Variants in WDR70 observed in about 807,000 individuals in gnomAD.
WDR70 encodes WD repeat-containing protein 70.
WDR70 carries 53 observed loss-of-function variants against 88.6 expected under a neutral mutation model. The ratio of observed to expected loss-of-function variants is 0.60; its 90% CI spans 0.48 to 0.75. The LOEUF (loss-of-function observed/expected upper bound fraction) is 0.75. WDR70 is among the 30% of genes least tolerant of loss of function. The pLI, the probability that WDR70 is intolerant of heterozygous loss-of-function variation, is 0.00. For missense variants in WDR70, 610 were observed against 823.2 expected (o/e 0.74, Z 3.17); for synonymous variants, 280 against 270.0 (o/e 1.04, Z -0.36).
chr5:37,623,076 A>G (rs921565197), intron 10 of WDR70, among the ~76,000 whole-genome samples: 3 of 152,170 alleles, frequency 2.0e-5, no homozygotes, highest in Non-Finnish European at 4.4e-5. Flanking sequence ...GGCAAAAGTT[A>G]TGGCGGTATT....
chr5:37,646,030 G>A (rs1745224315), intron 10 of WDR70, among the ~76,000 whole-genome samples: 1 of 151,724 alleles, frequency 6.6e-6, no homozygotes, highest in Non-Finnish European at 1.5e-5. Flanking sequence ...TTTTTTTGTG[G>A]TCTTCTCTTC....
intron 10 of WDR70, among the ~76,000 whole-genome samples, chr5:37,693,133 T>C (rs1285945322): frequency 6.6e-6 from 1 of 152,008 alleles, no homozygotes; most frequent in Non-Finnish European, 1.5e-5. Flanking sequence ...GAGAATAAAA[T>C]ACCTGGGAAT....
At position 37,394,285 on chromosome 5, in the gene WDR70, CA is replaced by C. The variant is rs199867827; in HGVS notation, c.297-2070del. Among the ~76,000 whole-genome samples the C allele has an allele frequency of 7.5e-3, 722 of 95,832 alleles. 2 individuals are homozygous for C. Among genetic ancestry groups the C allele is most frequent in the African/African-American group, 0.012 (368 of 30,840 alleles). The allele number at this position is 95,832 out of a possible 152,430, so 62.9% of individuals were successfully genotyped here. A position where few individuals can be genotyped will look rare whatever the true frequency, so the allele number is the denominator to read the frequency against. ...GGGACTCTAGAGTGAGACTCTGTCT[CA>C]AAAAAAAAAAAAAAAAAAATCTGTT... On this transcript the variant is annotated intron_variant, in intron 4 of 17. Coordinates refer to ENST00000265107, the MANE Select transcript of WDR70 (RefSeq NM_018034.4).
chr5:37,439,628 T>C, intron 6 of WDR70, among the ~76,000 whole-genome samples: 1 of 148,602 alleles, frequency 6.7e-6, no homozygotes, highest in African/African-American at 2.4e-5. Context: ...CTTAACTCTT[T>C]TTTTTTTTTT....
intron 5 of WDR70, among the ~76,000 whole-genome samples, chr5:37,428,007 C>CTTTTT (rs34888958): frequency 2.1e-5 from 3 of 144,228 alleles, no homozygotes; most frequent in Non-Finnish European, 4.6e-5. Flanking sequence ...ATGTATCCTC[C>CTTTTT]TTTTTTTTTT....
At chr5:37,696,215 A>G (rs1035979597) in intron 10 of WDR70, among the ~76,000 whole-genome samples, 6 of 152,186 alleles carry the variant, frequency 3.9e-5, no homozygotes, top group Non-Finnish European at 8.8e-5. Context: ...TGAATCAATG[A>G]ATTCTTTGTA....
rs763960960 is a variant in WDR70, at chr5:37,396,427, T to A, written c.349T>A (p.Leu117Ile). The change falls in exon 5 of 18, where the codon TTA (leucine) becomes ATA (isoleucine). Residue 117 changes from leucine to isoleucine, a missense_variant. Around this residue, in one of 4 missense-constraint regions of WDR70, gnomAD observed 203 missense variants for 228.1 expected, o/e 0.89. Transcript: ENST00000265107. ...EQSSDSSDDELIGPPLPPKMV... is the reference protein window; with the variant it reads ...EQSSDSSDDEIIGPPLPPKMV... ...GAGTTCTGACTCTTCTGATGATGAGTTAATTGGCCCTCCTTTACCCCCTAA... is the reference window on the plus strand; with the variant it reads ...GAGTTCTGACTCTTCTGATGATGAGATAATTGGCCCTCCTTTACCCCCTAA... 16 of 1,613,700 alleles carry A rather than the reference T, an allele frequency of 9.9e-6. No individual in the cohort carries two copies. In the African/African-American group the frequency reaches 2.1e-4, roughly 22 times the overall value.
Position 37,622,474 on chromosome 5 carries a change from A to G in WDR70, c.1092+17236A>G, listed in dbSNP as rs566448485. On this transcript the variant is annotated intron_variant, in intron 10 of 17. Coordinates refer to ENST00000265107, the MANE Select transcript of WDR70 (RefSeq NM_018034.4). ...TTATTGCAGCACTATTCACAATAGC[A>G]AAGACTTGGAACCAAGCCAAATGTC... is the stretch of plus-strand genomic sequence containing the variant. Among the ~76,000 whole-genome samples, 492 of 152,220 alleles carry G rather than the reference A, an allele frequency of 3.2e-3. 1 individual carries two copies. The highest frequency in any genetic ancestry group is 5.6e-3 in the Non-Finnish European group (379 of 68,010).
At position 37,726,915 on chromosome 5, in the gene WDR70, ACT is replaced by A; in HGVS notation, c.1754_1755del (p.Ser585PhefsTer14). ...TGGCCGAGTTGGAACCCACGGGGGC[ACT>A]CTCTCTTCCTATATTGTGAAGAACA... ...RGGRVGTHGG[T>X]LSSYIVKNIA... On this transcript the variant is annotated frameshift_variant, in exon 17 of 18. Transcript: ENST00000265107. LOFTEE classifies it high-confidence loss of function. 6.3e-7 allele frequency: 1 copy of A among 1,596,456 alleles called. No individual in the cohort carries two copies. The highest frequency in any genetic ancestry group is 8.5e-7 in the Non-Finnish European group (1 of 1,174,194).
At chr5:37,389,661 C>T (rs932284882) in intron 3 of WDR70, among the ~76,000 whole-genome samples, 2 of 152,172 alleles carry the variant, frequency 1.3e-5, no homozygotes, top group African/African-American at 4.8e-5. Flanking sequence ...ATCCGCCTGC[C>T]TGGGCCTCCC....
At chr5:37,727,946 A>G (rs544623977) in intron 17 of WDR70, among the ~76,000 whole-genome samples, 66 of 152,324 alleles carry the variant, frequency 4.3e-4, no homozygotes, top group African/African-American at 1.5e-3. Context: ...TTGCAGAAAT[A>G]GTACAGAGAG....
At chr5:37,427,062 G>C (rs1300280110) in intron 5 of WDR70, among the ~76,000 whole-genome samples, 1 of 152,120 alleles carries the variant, frequency 6.6e-6, no homozygotes, top group African/African-American at 2.4e-5. Context: ...AGGCTACCAC[G>C]CTCAGCTTTA....
chr5:37,657,900 G>A lies in WDR70; in HGVS notation c.1093-39755G>A, dbSNP rs1363376580. Among the ~76,000 whole-genome samples the A allele has an allele frequency of 4.6e-5, 7 of 152,112 alleles. No homozygotes were observed. In the South Asian group the frequency reaches 1.5e-3, roughly 32 times the overall value. Reference sequence around the variant, plus strand: ...GACTCCTACATAATAAAAAATACACGTTTAACTTTTGACTCGCAGAAATTA... The same window carrying A: ...GACTCCTACATAATAAAAAATACACATTTAACTTTTGACTCGCAGAAATTA... On this transcript the variant is annotated intron_variant, in intron 10 of 17. Transcript: ENST00000265107.
intron 9 of WDR70, among the ~76,000 whole-genome samples, chr5:37,564,744 A>G (rs1742687457): frequency 6.6e-6 from 1 of 152,332 alleles, no homozygotes; most frequent in African/African-American, 2.4e-5. Flanking sequence ...CCTTGGTATG[A>G]CAATTATATA....
Position 37,718,722 on chromosome 5 carries a change from C to A in WDR70, c.1417-2393C>A, listed in dbSNP as rs548760550. On this transcript the variant is annotated intron_variant, in intron 13 of 17. Coordinates refer to ENST00000265107, the MANE Select transcript of WDR70 (RefSeq NM_018034.4). Reference sequence around the variant, plus strand: ...TTTAATTTGAAAATTGTCTCCAGCTCTACCTAGCAAAGCAATCCATTTAGG... The same window carrying A: ...TTTAATTTGAAAATTGTCTCCAGCTATACCTAGCAAAGCAATCCATTTAGG... Among the ~76,000 whole-genome samples, 22 of 152,292 alleles carry A rather than the reference C, an allele frequency of 1.4e-4. 1 individual carries two copies. The South Asian group carries it at 4.6e-3, about 32-fold the overall frequency.
chr5:37,432,608 G>A (rs1485786441), intron 5 of WDR70, among the ~76,000 whole-genome samples: 1 of 152,038 alleles, frequency 6.6e-6, no homozygotes. Flanking sequence ...GTGTTAGCCA[G>A]GATGGTCTCG....
chr5:37,655,700 T>C (rs1745533163), intron 10 of WDR70, among the ~76,000 whole-genome samples: 1 of 151,932 alleles, frequency 6.6e-6, no homozygotes, highest in Non-Finnish European at 1.5e-5. Context: ...TTTCAATCTC[T>C]GATATCCTTT....
chr5:37,392,790 G>A (rs1404349394), intron 4 of WDR70, among the ~76,000 whole-genome samples: 2 of 151,910 alleles, frequency 1.3e-5, no homozygotes, highest in Non-Finnish European at 2.9e-5. Flanking sequence ...GATTACAGGT[G>A]TGGGCCACCA....
At chr5:37,694,109 ACTGATTAT>A (rs1387746981) in intron 10 of WDR70, among the ~76,000 whole-genome samples, 22 of 152,250 alleles carry the variant, frequency 1.4e-4, no homozygotes, top group Non-Finnish European at 1.9e-4. Flanking sequence ...GCTCATCGTC[ACTGATTAT>A]CAGAGAAATG....
Sources: gnomAD v4.1 joint callset for allele counts (sites outside exome capture counted in the v4.1 genomes callset) on GRCh38, gnomAD v4.1.1 for gene constraint, gnomAD v4.1.1 regional missense constraint, MANE v1.5 for transcripts, NCBI Gene and HGNC (gene_info 2026-07-23, HGNC 2026-07-21) for gene names.